The following TMOD3 variants were observed in gnomAD, a reference collection of about 807,000 sequenced individuals.
The protein encoded by TMOD3 is tropomodulin 3.
A neutral mutation model predicts 39.2 loss-of-function variants in TMOD3; 20 were observed. That is an observed-to-expected ratio of 0.51 (90% CI 0.36 to 0.74). The LOEUF is 0.74. TMOD3 is among the 30% of genes least tolerant of loss of function. TMOD3 has a pLI of 0.00. For missense variants in TMOD3, 381 were observed against 412.8 expected, an observed-to-expected ratio of 0.92 and a Z score of 0.67; for synonymous variants, 143 against 145.8, an observed-to-expected ratio of 0.98 and a Z score of 0.14.
chr15:51,898,717 C>T (rs1416646510), intron 7 of TMOD3, among the ~76,000 whole-genome samples: 1 of 152,106 alleles, frequency 6.6e-6, no homozygotes, highest in East Asian at 1.9e-4. Context: ...TAAGCTTGGT[C>T]TTACCCATAT....
chr15:51,862,267 A>G (rs2056423164), intron 1 of TMOD3, among the ~76,000 whole-genome samples: 1 of 151,994 alleles, frequency 6.6e-6, no homozygotes, highest in Non-Finnish European at 1.5e-5. Context: ...AGAATGCTGT[A>G]TTTTTTTCCT....
At chr15:51,878,348 C>T (rs2056515480) in intron 3 of TMOD3, among the ~76,000 whole-genome samples, 1 of 148,100 alleles carries the variant, frequency 6.8e-6, no homozygotes, top group Admixed American at 6.9e-5. Context: ...ACCTGGCCAA[C>T]ATAACAAGAA....
intron 7 of TMOD3, among the ~76,000 whole-genome samples, chr15:51,897,796 A>C (rs1566867115): frequency 6.6e-6 from 1 of 150,698 alleles, no homozygotes. Flanking sequence ...AAAAAAAAAA[A>C]AACAAAAAAC....
At chr15:51,835,492 A>G (rs948473721) in intron 1 of TMOD3, among the ~76,000 whole-genome samples, 1 of 152,166 alleles carries the variant, frequency 6.6e-6, no homozygotes. Flanking sequence ...TATGTTTAGT[A>G]GAGATGGAGT....
chr15:51,905,707 A>G (rs1410727748), intron 9 of TMOD3, among the ~76,000 whole-genome samples: 1 of 152,188 alleles, frequency 6.6e-6, no homozygotes, highest in Non-Finnish European at 1.5e-5. Flanking sequence ...ATTCGCAATT[A>G]ACTAATGGTG....
At position 51,862,867 on chromosome 15, in the gene TMOD3, C is replaced by G; in HGVS notation, c.-18C>G. 2 of 1,605,746 alleles carry G rather than the reference C, an allele frequency of 1.2e-6. No individual in the cohort carries two copies. Among genetic ancestry groups the G allele is most frequent in the Middle Eastern group, 1.7e-4 (1 of 6,018 alleles). ...GTACTGAACAGCAAAAATTAAGTGA[C>G]TTGCTGCCCTGCACATCATGGCACT... On this transcript the variant is annotated 5_prime_UTR_variant, in exon 2 of 10. Transcript: ENST00000308580.
rs1283423595 is a variant in TMOD3 at position 51,908,656 on chromosome 15, G to A, written c.1025-120G>A. The A allele has an allele frequency of 6.7e-6, 4 of 594,738 alleles. No homozygotes were observed. In the Middle Eastern group the frequency reaches 1.7e-3, roughly 253 times the overall value. The allele number at this position is 594,738 out of a possible 1,614,324, so 36.8% of individuals were successfully genotyped here. On this transcript the variant is annotated intron_variant, in intron 9 of 9. Coordinates refer to ENST00000308580, the MANE Select transcript of TMOD3 (RefSeq NM_014547.5). ...TTAGTGGTCATGTGAACTGGAAATGGACATTTCAATTTTGTAAAACTTATA... is the reference window on the plus strand; with the variant it reads ...TTAGTGGTCATGTGAACTGGAAATGAACATTTCAATTTTGTAAAACTTATA...
chr15:51,888,135 A>G (rs1004059199), intron 4 of TMOD3, among the ~76,000 whole-genome samples: 9 of 152,306 alleles, frequency 5.9e-5, no homozygotes, highest in African/African-American at 1.9e-4. Flanking sequence ...AGCTATACTC[A>G]CCACCTTCCC....
At chr15:51,882,413 C>T (rs982665521) in intron 3 of TMOD3, among the ~76,000 whole-genome samples, 5 of 151,816 alleles carry the variant, frequency 3.3e-5, no homozygotes, top group African/African-American at 9.7e-5. Context: ...GTACGAGAAT[C>T]GCTTGAACCC....
chr15:51,832,091 G>A (rs2056258177), intron 1 of TMOD3, among the ~76,000 whole-genome samples: 1 of 151,458 alleles, frequency 6.6e-6, no homozygotes, highest in South Asian at 2.1e-4. Flanking sequence ...TGAGGCAGGA[G>A]GATTGCTTGA....
intron 7 of TMOD3, among the ~76,000 whole-genome samples, chr15:51,896,774 T>C (rs2056622999): frequency 1.3e-5 from 2 of 152,220 alleles, no homozygotes; most frequent in Admixed American, 6.5e-5. Flanking sequence ...ATGTAGTATA[T>C]GCTGTTCTGC....
intron 1 of TMOD3, among the ~76,000 whole-genome samples, chr15:51,851,756 C>T (rs1310258737): frequency 2.6e-5 from 4 of 152,158 alleles, no homozygotes; most frequent in South Asian, 4.2e-4. Context: ...TCGTGCAGCT[C>T]GTGTTTTTAT....
chr15:51,865,442 T>C (rs1413396776), intron 2 of TMOD3, among the ~76,000 whole-genome samples: 2 of 152,208 alleles, frequency 1.3e-5, no homozygotes, highest in Admixed American at 1.3e-4. Context: ...GCAGTCTTTT[T>C]CTGTTAAACC....
At chr15:51,837,853 C>G (rs2056294231) in intron 1 of TMOD3, among the ~76,000 whole-genome samples, 1 of 152,154 alleles carries the variant, frequency 6.6e-6, no homozygotes. Context: ...GCTTTAAGCC[C>G]CTTAGCCTTC....
At chr15:51,886,375 A>C (rs569410404) in intron 3 of TMOD3, among the ~76,000 whole-genome samples, 1 of 152,244 alleles carries the variant, frequency 6.6e-6, no homozygotes, top group Non-Finnish European at 1.5e-5. Flanking sequence ...AGCCTGGGCA[A>C]CATTGAGCAC....
At chr15:51,845,641 C>T (rs1358486281) in intron 1 of TMOD3, among the ~76,000 whole-genome samples, 1 of 152,058 alleles carries the variant, frequency 6.6e-6, no homozygotes, top group African/African-American at 2.4e-5. Context: ...CTTGTTGTCC[C>T]AGCTACTCAG....
At chr15:51,830,312 C>T (rs146356903) in intron 1 of TMOD3, among the ~76,000 whole-genome samples, 3 of 152,172 alleles carry the variant, frequency 2.0e-5, no homozygotes, top group Non-Finnish European at 2.9e-5. Context: ...TGTGGCTGCC[C>T]TTGCATTCAC....
chr15:51,884,731 A>T (rs552377535), intron 3 of TMOD3: 7 of 152,306 alleles, frequency 4.6e-5, no homozygotes, highest in Admixed American at 2.6e-4. Context: ...ACTTGGTGCT[A>T]TAAAGGTCAT....
chr15:51,842,878 A>G (rs547813357), intron 1 of TMOD3, among the ~76,000 whole-genome samples: 1 of 152,310 alleles, frequency 6.6e-6, no homozygotes, highest in East Asian at 1.9e-4. Flanking sequence ...ATTAATCATG[A>G]TAATAAAGCT....
Sources: gnomAD v4.1 joint callset for allele counts (sites outside exome capture counted in the v4.1 genomes callset) on GRCh38, gnomAD v4.1.1 for gene constraint, MANE v1.5 for transcripts, NCBI Gene and HGNC (gene_info 2026-07-23, HGNC 2026-07-21) for gene names.